Variants in SUMF1 observed in about 807,000 individuals in gnomAD.
SUMF1 encodes the protein formylglycine-generating enzyme.
SUMF1 carries 48 observed loss-of-function variants against 47.6 expected under a neutral mutation model. The ratio of observed to expected loss-of-function variants is 1.01; its 90% confidence interval spans 0.80 to 1.28. SUMF1 has a LOEUF of 1.28. SUMF1 is among the 50% of genes most tolerant of loss of function. SUMF1 has a pLI of 0.00. For missense variants in SUMF1, 571 were observed against 485.4 expected, an observed-to-expected ratio of 1.18 and a Z score of -1.66; for synonymous variants, 230 against 192.1, an observed-to-expected ratio of 1.20 and a Z score of -1.63.
At chr3:4,352,945 A>C (rs2125158251) in intron 8 of SUMF1, among the ~76,000 whole-genome samples, 1 of 152,222 alleles carries the variant, frequency 6.6e-6, no homozygotes, top group Non-Finnish European at 1.5e-5. Flanking sequence ...AAAGGCTGTC[A>C]TTTTCTCCCA....
In SUMF1 at chr3:4,449,315, A is replaced by G; in HGVS notation, c.470T>C (p.Val157Ala). The change falls in exon 3 of 9, where the codon GTC becomes GCC. Residue 157 changes from valine to alanine, a missense_variant. Transcript: ENST00000272902. ...TEAEKFGDSF[V>A]FEGMLSEQVK... The stretch of plus-strand genomic sequence containing the variant: ...TTGCTCACTCAACATGCCTTCAAAG[A>G]CAAAGGAGTCGCCAAACTTCTCAGC... The G allele has an allele frequency of 6.2e-7, 1 of 1,614,164 alleles. No individual in the cohort carries two copies. Among genetic ancestry groups the G allele is most frequent in the Non-Finnish European group, 8.5e-7 (1 of 1,180,000 alleles).
At chr3:4,268,635 C>A (rs903817329) in intron 8 of SUMF1, among the ~76,000 whole-genome samples, 1 of 150,458 alleles carries the variant, frequency 6.6e-6, no homozygotes, top group Non-Finnish European at 1.5e-5. Context: ...CAATAGCAAC[C>A]AGGTTTAATA....
intron 8 of SUMF1, among the ~76,000 whole-genome samples, chr3:4,306,420 CAA>C (rs1479211938): frequency 3.9e-5 from 6 of 151,990 alleles, no homozygotes; most frequent in Non-Finnish European, 5.9e-5. Flanking sequence ...AAAGGAGTGA[CAA>C]GAGGAAGCTT....
chr3:4,208,468 G>GCA (rs1695701952), intron 8 of SUMF1, among the ~76,000 whole-genome samples: 1 of 51,188 alleles, frequency 2.0e-5, no homozygotes, highest in Non-Finnish European at 4.0e-5. Flanking sequence ...ATTCTAGAAG[G>GCA]CAAAAAAAAA....
chr3:4,069,684 G>A (rs953605937), intron 8 of SUMF1, among the ~76,000 whole-genome samples: 7 of 152,084 alleles, frequency 4.6e-5, no homozygotes, highest in African/African-American at 1.4e-4. Flanking sequence ...CCTACCTAAG[G>A]GGTCTAGGGG....
intron 8 of SUMF1, among the ~76,000 whole-genome samples, chr3:4,273,313 T>C (rs1216716419): frequency 6.6e-6 from 1 of 152,072 alleles, no homozygotes; most frequent in Non-Finnish European, 1.5e-5. Flanking sequence ...AAATGTGTTA[T>C]GCCTATAGAA....
At chr3:4,097,484 C>T (rs374791542) in intron 8 of SUMF1, among the ~76,000 whole-genome samples, 96 of 151,968 alleles carry the variant, frequency 6.3e-4, no homozygotes, top group African/African-American at 1.2e-3. Context: ...ACCTGGGAGG[C>T]GGAGGTTGCA....
At chr3:4,297,145 G>GTAAGC (rs1426050464) in intron 8 of SUMF1, among the ~76,000 whole-genome samples, 3 of 152,136 alleles carry the variant, frequency 2.0e-5, no homozygotes, top group African/African-American at 7.2e-5. Context: ...GTGTGCACCT[G>GTAAGC]TAAGCTAAAA....
intron 8 of SUMF1, among the ~76,000 whole-genome samples, chr3:4,110,368 G>A (rs1337780725): frequency 6.6e-6 from 1 of 152,098 alleles, no homozygotes; most frequent in Non-Finnish European, 1.5e-5. Context: ...CTACTTGGGG[G>A]TCAGGGACCC....
At chr3:4,154,496 A>G (rs770833841) in intron 8 of SUMF1, among the ~76,000 whole-genome samples, 3 of 151,554 alleles carry the variant, frequency 2.0e-5, no homozygotes, top group Non-Finnish European at 4.4e-5. Context: ...CCTTGCCACA[A>G]ACCTACAAGC....
intron 8 of SUMF1, among the ~76,000 whole-genome samples, chr3:4,284,832 T>A (rs1697600273): frequency 6.6e-6 from 1 of 152,174 alleles, no homozygotes; most frequent in African/African-American, 2.4e-5. Flanking sequence ...AAAGCTAAGA[T>A]AAAGGGATTA....
chr3:4,409,750 T>C (rs1002186801), intron 7 of SUMF1, among the ~76,000 whole-genome samples: 12 of 152,196 alleles, frequency 7.9e-5, no homozygotes, highest in African/African-American at 2.9e-4. Flanking sequence ...TGACGGCTTC[T>C]AAAGAACTCA....
At chr3:4,229,587 G>C in intron 8 of SUMF1, among the ~76,000 whole-genome samples, 1 of 152,120 alleles carries the variant, frequency 6.6e-6, no homozygotes, top group South Asian at 2.1e-4. Flanking sequence ...CATAATGCCT[G>C]ACACACAGTA....
chr3:4,080,536 G>A (rs1207090062), intron 8 of SUMF1, among the ~76,000 whole-genome samples: 1 of 151,988 alleles, frequency 6.6e-6, no homozygotes, highest in Non-Finnish European at 1.5e-5. Flanking sequence ...CTAAAACACT[G>A]GACAAAATCC....
At chr3:4,348,010 G>A (rs1483558704) in intron 8 of SUMF1, among the ~76,000 whole-genome samples, 3 of 152,070 alleles carry the variant, frequency 2.0e-5, no homozygotes, top group Non-Finnish European at 4.4e-5. Context: ...ACAAAGCACT[G>A]CTCAAGGAAA....
intron 3 of SUMF1, among the ~76,000 whole-genome samples, chr3:4,435,278 GGTCTCGAATGGAAA>G (rs1702360793): frequency 6.6e-6 from 1 of 152,108 alleles, no homozygotes; most frequent in African/African-American, 2.4e-5. Context: ...AAAGGTGAAT[GGTCTCGAATGGAAA>G]GATAAGAGCT....
chr3:4,063,211 T>C (rs1695302604), intron 9 of SUMF1, among the ~76,000 whole-genome samples: 1 of 152,084 alleles, frequency 6.6e-6, no homozygotes, highest in South Asian at 2.1e-4. Flanking sequence ...AATTTCTAAA[T>C]GCCCACACAT....
At chr3:4,243,193 T>C (rs76018170) in intron 8 of SUMF1, among the ~76,000 whole-genome samples, 2 of 152,196 alleles carry the variant, frequency 1.3e-5, no homozygotes, top group African/African-American at 2.4e-5. Context: ...ATCTATTTTG[T>C]TGATCTTTTC....
At chr3:4,161,449 G>T (rs573649514) in intron 8 of SUMF1, among the ~76,000 whole-genome samples, 1 of 152,280 alleles carries the variant, frequency 6.6e-6, no homozygotes, top group South Asian at 2.1e-4. Flanking sequence ...AGGGCCTGGA[G>T]TTGGAAACCT....
Sources: gnomAD v4.1 joint callset for allele counts (sites outside exome capture counted in the v4.1 genomes callset) on GRCh38, gnomAD v4.1.1 for gene constraint, MANE v1.5 for transcripts, NCBI Gene and HGNC (gene_info 2026-07-23, HGNC 2026-07-21) for gene names.